Variants in CELF2 observed in about 807,000 individuals in gnomAD.
The protein encoded by CELF2 is CUGBP Elav-like family member 2, also known as CUG triplet repeat RNA-binding protein 2.
A neutral mutation model predicts 62.6 loss-of-function variants in CELF2; 8 were observed. The observed-to-expected ratio is 0.13, with a 90% CI of 0.07 to 0.23. The LOEUF is 0.23. Ranked by LOEUF, CELF2 falls within the 10% of genes least tolerant of loss-of-function variation. CELF2 has a pLI of 1.00. For synonymous variants in CELF2, 258 were observed against 250.0 expected (o/e 1.03, Z -0.30); for missense variants, 333 against 671.0 (o/e 0.50, Z 5.56).
intron 1 of CELF2, among the ~76,000 whole-genome samples, chr10:10,889,363 C>G (rs1015795430): frequency 6.6e-6 from 1 of 152,108 alleles, no homozygotes; most frequent in African/African-American, 2.4e-5. Flanking sequence ...TTTTTCTTTT[C>G]TAGGCAGCAT....
At chr10:10,939,506 A>C (rs1182862073) in intron 2 of CELF2, among the ~76,000 whole-genome samples, 1 of 151,774 alleles carries the variant, frequency 6.6e-6, no homozygotes, top group Admixed American at 6.6e-5. Flanking sequence ...GGCTGATCTC[A>C]AACTCCTGAC....
chr10:10,982,385 AATATATTT>A (rs1023585653), intron 2 of CELF2, among the ~76,000 whole-genome samples: 22 of 152,180 alleles, frequency 1.4e-4, no homozygotes, highest in African/African-American at 4.8e-4. Context: ...TGTCCCTAAT[AATATATTT>A]GTAAACCGAC....
chr10:10,850,866 C>T (rs2059341914), intron 1 of CELF2, among the ~76,000 whole-genome samples: 1 of 152,012 alleles, frequency 6.6e-6, no homozygotes, highest in South Asian at 2.1e-4. Context: ...AGTGCAGTGG[C>T]GTGACCTCAG....
At chr10:10,780,454 C>CGTTTGTTT in the CELF2 span, among the ~76,000 whole-genome samples, 2 of 148,958 alleles carry the variant, frequency 1.3e-5, no homozygotes, top group Admixed American at 6.7e-5. Flanking sequence ...CAGAGGGAAA[C>CGTTTGTTT]GTTTGTTTGT....
At chr10:10,675,257 T>C in the CELF2 span, among the ~76,000 whole-genome samples, 1 of 152,192 alleles carries the variant, frequency 6.6e-6, no homozygotes. Flanking sequence ...TCACAGGGTA[T>C]AGGAGTCTAG....
At chr10:10,537,121 C>T in the CELF2 span, among the ~76,000 whole-genome samples, 1 of 152,134 alleles carries the variant, frequency 6.6e-6, no homozygotes, top group Non-Finnish European at 1.5e-5. Flanking sequence ...GGGAGGAAGC[C>T]TCCTCTTCCT....
At chr10:11,235,815 G>A (rs1054963888) in intron 3 of CELF2, among the ~76,000 whole-genome samples, 2 of 151,232 alleles carry the variant, frequency 1.3e-5, no homozygotes, top group Middle Eastern at 6.4e-3. Flanking sequence ...TTTTTGGGGG[G>A]TGGGGGGACA....
At chr10:10,653,532 G>T in the CELF2 span, among the ~76,000 whole-genome samples, 32 of 136,566 alleles carry the variant, frequency 2.3e-4, no homozygotes, top group East Asian at 3.4e-3. Context: ...AGACCACAGT[G>T]CAATCAAACT....
the CELF2 span, among the ~76,000 whole-genome samples, chr10:10,728,719 T>C: frequency 6.6e-6 from 1 of 152,214 alleles, no homozygotes; most frequent in Non-Finnish European, 1.5e-5. Context: ...CACCTGTCTC[T>C]GGTATACAGT....
At chr10:10,706,730 G>C in the CELF2 span, among the ~76,000 whole-genome samples, 3 of 152,196 alleles carry the variant, frequency 2.0e-5, no homozygotes, top group Non-Finnish European at 4.4e-5. Flanking sequence ...AAGTTACAGA[G>C]TGGTTAGTGG....
At chr10:10,717,315 T>C in the CELF2 span, among the ~76,000 whole-genome samples, 1 of 152,118 alleles carries the variant, frequency 6.6e-6, no homozygotes, top group Non-Finnish European at 1.5e-5. Context: ...CGTGCTAGCA[T>C]GTACCTTTAA....
At chr10:11,216,547 A>G (rs1411294651) in intron 2 of CELF2, among the ~76,000 whole-genome samples, 2 of 152,246 alleles carry the variant, frequency 1.3e-5, no homozygotes, top group Non-Finnish European at 1.5e-5. Flanking sequence ...CTGAGAAACT[A>G]TATTGCTGAA....
At chr10:10,876,180 A>C (rs1288496666) in intron 1 of CELF2, among the ~76,000 whole-genome samples, 1 of 152,178 alleles carries the variant, frequency 6.6e-6, no homozygotes, top group African/African-American at 2.4e-5. Context: ...ACCACATAAA[A>C]AAGCACCAAA....
chr10:10,759,047 C>A, the CELF2 span, among the ~76,000 whole-genome samples: 3 of 152,290 alleles, frequency 2.0e-5, no homozygotes, highest in South Asian at 6.2e-4. Flanking sequence ...TGGCACAGAT[C>A]CTTGCTTCAC....
rs2053617303 is a variant in CELF2, at chr10:10,993,250, T to A, written c.89+73251T>A. 6.6e-6 allele frequency among the ~76,000 whole-genome samples: 1 copy of A among 152,146 alleles called. No homozygotes were observed. The highest frequency in any genetic ancestry group is 6.5e-5 in the Admixed American group (1 of 15,280). On this transcript the variant is annotated intron_variant, in intron 2 of 13. Coordinates refer to the CELF2 transcript ENST00000636488. This position sits in a 1 kb window ranked among gnomAD's most constrained non-coding sequence, Gnocchi z 5.3. ...CACCCTAACTAGAAATATCTTTAAA[T>A]GAATTTTGGGAAATGTAGTTTGGCC... is the stretch of plus-strand genomic sequence containing the variant.
intron 1 of CELF2, among the ~76,000 whole-genome samples, chr10:11,024,760 A>G (rs1359459484): frequency 2.6e-5 from 4 of 152,176 alleles, no homozygotes; most frequent in East Asian, 1.9e-4. Flanking sequence ...ACAAGCTCCA[A>G]TAGGACTGAA....
chr10:11,014,269 C>G (rs1423422151), upstream of CELF2, among the ~76,000 whole-genome samples: 1 of 152,156 alleles, frequency 6.6e-6, no homozygotes, highest in Non-Finnish European at 1.5e-5. Context: ...CTGAACAATG[C>G]TAGCACATCT....
chr10:11,054,171 A>C (rs1321560055), intron 1 of CELF2, among the ~76,000 whole-genome samples: 1 of 152,238 alleles, frequency 6.6e-6, no homozygotes, highest in Non-Finnish European at 1.5e-5. Flanking sequence ...GGAAGTGCAG[A>C]ATAAATGCTC....
intron 9 of CELF2, among the ~76,000 whole-genome samples, chr10:11,298,279 A>T (rs1478727363): frequency 2.0e-5 from 3 of 152,166 alleles, no homozygotes; most frequent in Non-Finnish European, 4.4e-5. Context: ...CCACAGCAGC[A>T]CCCTGGCCTT....
Sources: allele counts gnomAD v4.1 joint callset (sites outside exome capture counted in the v4.1 genomes callset), GRCh38; gene constraint gnomAD v4.1.1; non-coding constraint Gnocchi (gnomAD v3.1); transcripts MANE v1.5; gene names NCBI Gene and HGNC (gene_info 2026-07-23, HGNC 2026-07-21).